NEO1: variants seen among roughly 807,000 people sequenced by gnomAD.
NEO1 encodes the protein neogenin.
In NEO1, 63 loss-of-function variants were observed where a neutral mutation model predicts 159.7. The ratio of observed to expected loss-of-function variants is 0.39; its 90% confidence interval spans 0.32 to 0.49. NEO1 has a LOEUF of 0.49. Ranked by LOEUF, NEO1 falls within the 20% of genes least tolerant of loss-of-function variation. NEO1 has a pLI of 0.85. For synonymous variants in NEO1, 633 were observed against 662.0 expected (o/e 0.96, Z 0.67); for missense variants, 1,615 against 1,831.0 (o/e 0.88, Z 2.15).
chr15:73,267,001 G>A (rs192182212), intron 16 of NEO1, among the ~76,000 whole-genome samples: 10 of 152,328 alleles, frequency 6.6e-5, no homozygotes, highest in African/African-American at 2.4e-4. Flanking sequence ...GTTCATGCCT[G>A]TAATCCCAGC....
chr15:73,199,387 A>G (rs1291944129), intron 7 of NEO1, among the ~76,000 whole-genome samples: 1 of 151,722 alleles, frequency 6.6e-6, no homozygotes, highest in African/African-American at 2.4e-5. Flanking sequence ...TATCCTTTCC[A>G]TACTCTATAC....
At chr15:73,244,918 G>A (rs1419369497) in intron 9 of NEO1, among the ~76,000 whole-genome samples, 2 of 115,706 alleles carry the variant, frequency 1.7e-5, no homozygotes, top group African/African-American at 6.9e-5. Context: ...TTGCACCACT[G>A]TACTCCAGTC....
At chr15:73,125,212 TC>T (rs1407745589) in intron 3 of NEO1, among the ~76,000 whole-genome samples, 1 of 152,236 alleles carries the variant, frequency 6.6e-6, no homozygotes, top group Non-Finnish European at 1.5e-5. Flanking sequence ...CAAAGCTAAG[TC>T]CTTATCTCCT....
At chr15:73,235,988 T>G (rs1002167902) in intron 7 of NEO1, among the ~76,000 whole-genome samples, 11 of 152,244 alleles carry the variant, frequency 7.2e-5, no homozygotes, top group African/African-American at 2.4e-4. Context: ...CTGTGCCTTC[T>G]GTGAGAAGTT....
chr15:73,115,607 G>A (rs1273514498), intron 1 of NEO1, among the ~76,000 whole-genome samples: 1 of 152,076 alleles, frequency 6.6e-6, no homozygotes, highest in Admixed American at 6.6e-5. Context: ...TCATTTGCTG[G>A]ATTGGGTTTC....
intron 1 of NEO1, among the ~76,000 whole-genome samples, chr15:73,069,690 AC>A (rs1301011945): frequency 6.6e-6 from 1 of 152,046 alleles, no homozygotes; most frequent in African/African-American, 2.4e-5. Flanking sequence ...ATATACGCAC[AC>A]ACGCACATAT....
At chr15:73,095,730 GTTT>G (rs2069988798) in intron 1 of NEO1, among the ~76,000 whole-genome samples, 1 of 150,050 alleles carries the variant, frequency 6.7e-6, no homozygotes, top group Non-Finnish European at 1.5e-5. Context: ...CATTTCAGTT[GTTT>G]TATTATCATT....
At chr15:73,257,328 C>A (rs1596499190) in intron 13 of NEO1, among the ~76,000 whole-genome samples, 1 of 147,336 alleles carries the variant, frequency 6.8e-6, no homozygotes, top group Admixed American at 6.8e-5. Flanking sequence ...CTCAATGAAA[C>A]ATTTGATGTG....
At chr15:73,284,462 T>A (rs1023080114) in intron 23 of NEO1, among the ~76,000 whole-genome samples, 13 of 152,192 alleles carry the variant, frequency 8.5e-5, no homozygotes, top group African/African-American at 2.9e-4. Flanking sequence ...ATATTTTAAA[T>A]CTCTCTTTCT....
intron 5 of NEO1, among the ~76,000 whole-genome samples, chr15:73,174,190 G>A (rs183597376): frequency 6.6e-5 from 10 of 152,254 alleles, no homozygotes; most frequent in African/African-American, 2.4e-4. Context: ...TAAATATAGG[G>A]ATTAGCTATG....
chr15:73,136,395 T>C (rs144407946), intron 5 of NEO1, among the ~76,000 whole-genome samples: 1 of 152,076 alleles, frequency 6.6e-6, no homozygotes, highest in Non-Finnish European at 1.5e-5. Flanking sequence ...GTGGTGGTGG[T>C]GGTGGTGGTG....
chr15:73,230,356 C>CT (rs2038838738), intron 7 of NEO1, among the ~76,000 whole-genome samples: 1 of 151,930 alleles, frequency 6.6e-6, no homozygotes, highest in East Asian at 1.9e-4. Flanking sequence ...TCCATTAAAG[C>CT]TTTTTTAGTT....
At chr15:73,125,015 G>A (rs2029993507) in intron 3 of NEO1, among the ~76,000 whole-genome samples, 1 of 152,204 alleles carries the variant, frequency 6.6e-6, no homozygotes, top group Admixed American at 6.5e-5. Flanking sequence ...TTACATGACA[G>A]AGGTAATACT....
chr15:73,304,021 GGCA>G lies in NEO1; in HGVS notation c.*1327_*1329del, dbSNP rs1204140509. On this transcript the variant is annotated 3_prime_UTR_variant, in exon 29 of 29. Coordinates refer to ENST00000261908, the MANE Select transcript of NEO1 (RefSeq NM_002499.4). ...GAAAGCATTAGCAGGAATGAGACAA[GGCA>G]GAGCTGCAGTGCCCCCTGAGGCTTC... 1 of 152,226 alleles carries G rather than the reference GGCA, an allele frequency of 6.6e-6. No homozygotes were observed. The highest frequency in any genetic ancestry group is 1.5e-5 in the Non-Finnish European group (1 of 68,088). 9.4% of individuals were successfully genotyped at this position (152,226 alleles called of 1,614,324 possible). A position where few individuals can be genotyped will look rare whatever the true frequency, so the allele number is the denominator to read the frequency against.
At chr15:73,110,374 A>G (rs1343067191) in intron 1 of NEO1, among the ~76,000 whole-genome samples, 1 of 152,226 alleles carries the variant, frequency 6.6e-6, no homozygotes, top group Non-Finnish European at 1.5e-5. Flanking sequence ...AGTTTCTGCT[A>G]CTACTAAACT....
chr15:73,182,451 A>G (rs1235646157), intron 7 of NEO1, among the ~76,000 whole-genome samples: 1 of 152,180 alleles, frequency 6.6e-6, no homozygotes, highest in Non-Finnish European at 1.5e-5. Flanking sequence ...GGTTCTCTTG[A>G]GCCCAGCAGA....
At chr15:73,095,928 C>G (rs2070000392) in intron 1 of NEO1, among the ~76,000 whole-genome samples, 1 of 151,974 alleles carries the variant, frequency 6.6e-6, no homozygotes, top group African/African-American at 2.4e-5. Context: ...GAGAAAAGCC[C>G]CTATCAGAGC....
chr15:73,194,670 C>A (rs1252419121), intron 7 of NEO1, among the ~76,000 whole-genome samples: 1 of 152,120 alleles, frequency 6.6e-6, no homozygotes, highest in Non-Finnish European at 1.5e-5. Flanking sequence ...AATTGGAGAT[C>A]AAATTTCAAC....
chr15:73,258,955 C>A, intron 14 of NEO1, 79 bp downstream of exon 14: 1 of 1,230,032 alleles, frequency 8.1e-7, no homozygotes, highest in Non-Finnish European at 1.2e-6. Flanking sequence ...AAGCCACAGA[C>A]TTGGGGTGGA....
Sources: gnomAD v4.1 joint callset for allele counts (sites outside exome capture counted in the v4.1 genomes callset) on GRCh38, gnomAD v4.1.1 for gene constraint, MANE v1.5 for transcripts, NCBI Gene and HGNC (gene_info 2026-07-23, HGNC 2026-07-21) for gene names.